BCL2: variants seen among roughly 807,000 people sequenced by gnomAD.
The protein encoded by BCL2 is BCL2 apoptosis regulator.
A neutral mutation model predicts 14.2 loss-of-function variants in BCL2; 1 was observed. The ratio of observed to expected loss-of-function variants is 0.07; its 90% CI spans 0.02 to 0.33. The LOEUF is 0.33. Ranked by LOEUF, BCL2 falls within the 10% of genes least tolerant of loss-of-function variation. BCL2 has a pLI of 0.99. For synonymous variants in BCL2, 151 were observed against 137.2 expected (o/e 1.10, Z -0.70); for missense variants, 247 against 305.9 (o/e 0.81, Z 1.44).
intron 2 of BCL2, among the ~76,000 whole-genome samples, chr18:63,190,098 A>C (rs990071890): frequency 6.6e-6 from 1 of 152,088 alleles, no homozygotes; most frequent in African/African-American, 2.4e-5. Flanking sequence ...TCTTCTCTTC[A>C]CTTCACTCTC....
chr18:63,236,439 G>GGGC (rs377069987), intron 2 of BCL2, among the ~76,000 whole-genome samples: 122,105 of 151,730 alleles, frequency 0.8, 50,717 homozygotes, highest in Non-Finnish European at 0.92. Flanking sequence ...GTCCCATAAT[G>GGGC]TCAACGCCCT....
At chr18:63,165,101 G>T (rs1414603785) in intron 2 of BCL2, among the ~76,000 whole-genome samples, 1 of 151,962 alleles carries the variant, frequency 6.6e-6, no homozygotes, top group Non-Finnish European at 1.5e-5. Context: ...AAAAATAGAA[G>T]AATATTTTTA....
intron 2 of BCL2, among the ~76,000 whole-genome samples, chr18:63,270,048 A>G (rs1023310301): frequency 6.6e-6 from 1 of 152,210 alleles, no homozygotes; most frequent in Middle Eastern, 3.2e-3. Context: ...ATCACTCAAA[A>G]TAAGTGAAAG....
chr18:63,214,669 G>A (rs918443320), intron 2 of BCL2, among the ~76,000 whole-genome samples: 11 of 151,212 alleles, frequency 7.3e-5, no homozygotes, highest in South Asian at 2.1e-4. Flanking sequence ...ATTACATTTC[G>A]GGCCCTAAGG....
At chr18:63,317,557 AC>A (rs1444303566) in intron 2 of BCL2, 3 of 987,126 alleles carry the variant, frequency 3.0e-6, no homozygotes, top group Non-Finnish European at 3.6e-6. Context: ...GGAAAATTTT[AC>A]CGATTGATGA....
chr18:63,188,388 A>G (rs1335032633), intron 2 of BCL2, among the ~76,000 whole-genome samples: 2 of 152,192 alleles, frequency 1.3e-5, no homozygotes, highest in Non-Finnish European at 2.9e-5. Context: ...TTTAGAGAAA[A>G]TATAAGTACA....
intron 2 of BCL2, among the ~76,000 whole-genome samples, chr18:63,297,282 T>G (rs1280657273): frequency 6.6e-6 from 1 of 152,238 alleles, no homozygotes; most frequent in Non-Finnish European, 1.5e-5. Flanking sequence ...TGGTCACGTT[T>G]AGTATATTTT....
intron 2 of BCL2, among the ~76,000 whole-genome samples, chr18:63,293,999 A>G (rs1912728426): frequency 6.7e-6 from 1 of 150,168 alleles, no homozygotes; most frequent in Non-Finnish European, 1.5e-5. Context: ...TTTCCATGTG[A>G]TGCACTATGC....
chr18:63,318,281 C>A lies in BCL2; in HGVS notation c.386G>T (p.Arg129Leu), dbSNP rs1239600576. ...GAGCTCCTCCACCACCGTGGCAAAG[C>A]GTCCCCGCGCGGTGAAGGGCGTCAG... ...LHLTPFTARG[R>L]FATVVEELFR... Residue 129 changes from arginine (R) to leucine (L), a missense_variant, in exon 2 of 3, where the codon CGC (arginine) becomes CTC (leucine). Coordinates refer to ENST00000333681, the MANE Select transcript of BCL2 (RefSeq NM_000633.3). The surrounding 1 kb of genome is among the most constrained non-coding windows in gnomAD (Gnocchi z 7.4). 4 of 1,614,054 alleles carry A rather than the reference C, an allele frequency of 2.5e-6. No individual in the cohort carries two copies. Among genetic ancestry groups the A allele is most frequent in the Non-Finnish European group, 3.4e-6 (4 of 1,180,026 alleles).
chr18:63,244,956 T>A (rs1911112926), intron 2 of BCL2, among the ~76,000 whole-genome samples: 1 of 152,188 alleles, frequency 6.6e-6, no homozygotes, highest in Admixed American at 6.5e-5. Flanking sequence ...GCCTGCACCT[T>A]CCTTAAGTTC....
intron 2 of BCL2, among the ~76,000 whole-genome samples, chr18:63,153,078 C>A (rs991860786): frequency 6.6e-6 from 1 of 152,176 alleles, no homozygotes; most frequent in Non-Finnish European, 1.5e-5. Flanking sequence ...GAGGAAAGAG[C>A]ACACACATTA....
intron 2 of BCL2, among the ~76,000 whole-genome samples, chr18:63,204,261 G>A (rs1203218103): frequency 1.3e-5 from 2 of 152,214 alleles, no homozygotes; most frequent in African/African-American, 4.8e-5. Flanking sequence ...GTTACATAAT[G>A]ACATCTAATG....
chr18:63,136,748 C>T (rs1211614329), intron 2 of BCL2, among the ~76,000 whole-genome samples: 1 of 152,196 alleles, frequency 6.6e-6, no homozygotes, highest in Non-Finnish European at 1.5e-5. Flanking sequence ...ACACCAACTC[C>T]TGCTATTCAT....
At chr18:63,155,445 G>C (rs1380560682) in intron 2 of BCL2, among the ~76,000 whole-genome samples, 1 of 152,086 alleles carries the variant, frequency 6.6e-6, no homozygotes, top group African/African-American at 2.4e-5. Flanking sequence ...GCGTGGGGAG[G>C]GCCCTTAGTG....
intron 2 of BCL2, among the ~76,000 whole-genome samples, chr18:63,154,473 T>C (rs2144611507): frequency 6.6e-6 from 1 of 152,280 alleles, no homozygotes; most frequent in South Asian, 2.1e-4. Flanking sequence ...GAGCTGGCCC[T>C]GACCCACGCT....
intron 2 of BCL2, among the ~76,000 whole-genome samples, chr18:63,284,435 C>T (rs754638084): frequency 3.9e-5 from 6 of 152,152 alleles, no homozygotes; most frequent in Non-Finnish European, 7.3e-5. Context: ...AAGCACAGTC[C>T]CCAAACAGGG....
intron 2 of BCL2, among the ~76,000 whole-genome samples, chr18:63,244,997 T>G (rs1911114508): frequency 6.6e-6 from 1 of 152,214 alleles, no homozygotes; most frequent in Admixed American, 6.5e-5. Flanking sequence ...TAAAGGTTTC[T>G]TGCCTCCACA....
intron 2 of BCL2, among the ~76,000 whole-genome samples, chr18:63,255,540 T>A (rs1296679196): frequency 6.6e-6 from 1 of 152,238 alleles, no homozygotes; most frequent in Non-Finnish European, 1.5e-5. Flanking sequence ...GTTGAGAGTA[T>A]GGACTCAGGG....
intron 2 of BCL2, among the ~76,000 whole-genome samples, chr18:63,293,010 C>T (rs181098511): frequency 2.1e-4 from 32 of 152,286 alleles, no homozygotes; most frequent in Non-Finnish European, 3.4e-4. Flanking sequence ...TGTGTCCCCA[C>T]AGGGGAAGTT....
Sources: allele counts gnomAD v4.1 joint callset (sites outside exome capture counted in the v4.1 genomes callset), GRCh38; gene constraint gnomAD v4.1.1; non-coding constraint Gnocchi (gnomAD v3.1); transcripts MANE v1.5; gene names NCBI Gene and HGNC (gene_info 2026-07-23, HGNC 2026-07-21).